The following TIAM1 variants were observed in gnomAD, a reference collection of about 807,000 sequenced individuals.
The protein encoded by TIAM1 is TIAM Rac1 associated GEF 1.
In TIAM1, 65 loss-of-function variants were observed where a neutral mutation model predicts 163.5. The ratio of observed to expected loss-of-function variants is 0.40; its 90% CI spans 0.33 to 0.49. The LOEUF is 0.49. Ranked by LOEUF, TIAM1 falls within the 20% of genes least tolerant of loss-of-function variation. The pLI is 0.77. For missense variants in TIAM1, 1,789 were observed against 2,044.7 expected (o/e 0.87, Z 2.41); for synonymous variants, 833 against 810.1 (o/e 1.03, Z -0.48).
At chr21:31,357,783 T>C (rs2076340806) in intron 2 of TIAM1, among the ~76,000 whole-genome samples, 1 of 152,206 alleles carries the variant, frequency 6.6e-6, no homozygotes. Flanking sequence ...CCAATGTTTC[T>C]CTCTTGTCTT....
At chr21:31,193,723 C>G (rs1252771218) in intron 13 of TIAM1, among the ~76,000 whole-genome samples, 1 of 152,038 alleles carries the variant, frequency 6.6e-6, no homozygotes, top group African/African-American at 2.4e-5. Flanking sequence ...TTTTTTGTAA[C>G]AAAAAGCAGC....
At chr21:31,130,377 G>A in intron 24 of TIAM1, 62 bp from the exon 25 acceptor site, 4 of 1,359,940 alleles carry the variant, frequency 2.9e-6, no homozygotes, top group East Asian at 2.3e-5. Flanking sequence ...CCAGTTCCCT[G>A]CATTTTCTAA....
In TIAM1 at chr21:31,548,266, T is replaced by C. The variant is rs575468960; in HGVS notation, c.-422+10661A>G. Among the ~76,000 whole-genome samples, 41 of 148,738 alleles carry C rather than the reference T, an allele frequency of 2.8e-4. 1 individual carries two copies. The East Asian group carries it at 7.8e-3, about 28-fold the overall frequency. On this transcript the variant is annotated intron_variant, in intron 1 of 28. Transcript: ENST00000286827. ...GCAATTCTCATGTGCCTCAGTCTCCTCAGTAGCTGAGATTACAGGTGTGTG... is the reference window on the plus strand; with the variant it reads ...GCAATTCTCATGTGCCTCAGTCTCCCCAGTAGCTGAGATTACAGGTGTGTG...
At chr21:31,360,360 G>A (rs906887768) in intron 2 of TIAM1, among the ~76,000 whole-genome samples, 3 of 151,780 alleles carry the variant, frequency 2.0e-5, no homozygotes, top group African/African-American at 7.3e-5. Context: ...TAATCCAGTA[G>A]AGAATAAAAG....
At chr21:31,144,830 G>GAAAAAAAAAAAAAAAAAAAAAAAAA (rs764835303) in intron 20 of TIAM1, among the ~76,000 whole-genome samples, 1 of 74,484 alleles carries the variant, frequency 1.3e-5, no homozygotes, top group Non-Finnish European at 2.4e-5. Context: ...CTCCATCTCA[G>GAAAAAAAAAAAAAAAAAAAAAAAAA]AAAAAAAAAA....
At chr21:31,324,472 A>C (rs2075420467) in intron 2 of TIAM1, among the ~76,000 whole-genome samples, 1 of 152,236 alleles carries the variant, frequency 6.6e-6, no homozygotes, top group African/African-American at 2.4e-5. Context: ...GACGCTGAAG[A>C]AGTTTCTTAA....
chr21:31,139,577 C>CT (rs1275602924), intron 22 of TIAM1, among the ~76,000 whole-genome samples: 1 of 151,988 alleles, frequency 6.6e-6, no homozygotes, highest in African/African-American at 2.4e-5. Context: ...TTCTTCTTGC[C>CT]TTTTTCTGTA....
intron 2 of TIAM1, among the ~76,000 whole-genome samples, chr21:31,323,549 G>A (rs1310970622): frequency 6.6e-6 from 1 of 152,074 alleles, no homozygotes; most frequent in Non-Finnish European, 1.5e-5. Context: ...TTAAAAATTA[G>A]GCTGGGTGTG....
At chr21:31,407,585 A>G (rs1293481945) in intron 2 of TIAM1, among the ~76,000 whole-genome samples, 6 of 151,678 alleles carry the variant, frequency 4.0e-5, no homozygotes, top group African/African-American at 1.5e-4. Flanking sequence ...TTCTAAGGTT[A>G]AGGATTTCAA....
intron 1 of TIAM1, among the ~76,000 whole-genome samples, chr21:31,540,238 A>T (rs1365810701): frequency 6.6e-6 from 1 of 151,462 alleles, no homozygotes; most frequent in East Asian, 2.0e-4. Context: ...ATACAAAATT[A>T]GCTGGGTGTC....
chr21:31,127,412 C>CTTTTTTTTTTTTTTTTTTTTTTTTTTTT (rs199978005), intron 25 of TIAM1, among the ~76,000 whole-genome samples: 1 of 140,734 alleles, frequency 7.1e-6, no homozygotes. Flanking sequence ...ATGGACCGAA[C>CTTTTTTTTTTTTTTTTTTTTTTTTTTTT]TTTTTTTTTT....
intron 6 of TIAM1, among the ~76,000 whole-genome samples, chr21:31,238,722 A>C (rs1663145114): frequency 6.6e-6 from 1 of 152,208 alleles, no homozygotes; most frequent in Non-Finnish European, 1.5e-5. Flanking sequence ...AATGAGAAAA[A>C]GCTAGTCACT....
At chr21:31,455,452 G>A (rs926361194) in intron 2 of TIAM1, among the ~76,000 whole-genome samples, 33 of 149,130 alleles carry the variant, frequency 2.2e-4, no homozygotes, top group African/African-American at 7.4e-4. Context: ...CACTCTTGTC[G>A]CCCACACTGG....
chr21:31,369,435 G>C (rs200263791), intron 2 of TIAM1, among the ~76,000 whole-genome samples: 2 of 110,972 alleles, frequency 1.8e-5, no homozygotes, highest in Non-Finnish European at 3.4e-5. Flanking sequence ...GATAAGGAAA[G>C]GTTGCTTAAC....
Position 31,266,936 on chromosome 21 carries a change from A to G in TIAM1, c.37T>C (p.Phe13Leu), listed in dbSNP as rs760133502. 1 of 1,609,028 alleles carries G rather than the reference A, an allele frequency of 6.2e-7. No individual in the cohort carries two copies. The highest frequency in any genetic ancestry group is 1.3e-5 in the African/African-American group (1 of 74,738). ...NAESQHVEHE[F>L]YGEKHASLGR... ...AGGCTGGCATGCTTTTCTCCATAAAACTCGTGCTCTACATGTTGACTTTCT... is the reference window on the plus strand; with the variant it reads ...AGGCTGGCATGCTTTTCTCCATAAAGCTCGTGCTCTACATGTTGACTTTCT... Residue 13 changes from phenylalanine to leucine, a missense_variant, in exon 4 of 28, where the codon TTT becomes CTT. Physicochemically the swap from Phe to Leu is conservative, Grantham distance 22 (BLOSUM62 0). Around this residue, in one of 5 missense-constraint regions of TIAM1, gnomAD observed 555 missense variants for 564.9 expected, o/e 0.98. Transcript: ENST00000541036.
intron 1 of TIAM1, among the ~76,000 whole-genome samples, chr21:31,486,099 G>C (rs1168023533): frequency 6.6e-6 from 1 of 152,166 alleles, no homozygotes; most frequent in Non-Finnish European, 1.5e-5. Flanking sequence ...TCCACCTGAG[G>C]ATTCACCATT....
intron 1 of TIAM1, among the ~76,000 whole-genome samples, chr21:31,483,095 G>A (rs548212213): frequency 1.4e-3 from 218 of 152,240 alleles, no homozygotes; most frequent in Non-Finnish European, 2.6e-3. Context: ...ACACCATGGC[G>A]GGCTGTCTCT....
intron 2 of TIAM1, among the ~76,000 whole-genome samples, chr21:31,336,653 C>T (rs918427438): frequency 6.6e-6 from 1 of 152,102 alleles, no homozygotes; most frequent in African/African-American, 2.4e-5. Context: ...GGCACAGTCA[C>T]AGGTCTCAGG....
chr21:31,294,576 T>G (rs116506104), intron 2 of TIAM1, among the ~76,000 whole-genome samples: 344 of 152,348 alleles, frequency 2.3e-3, no homozygotes, highest in African/African-American at 8.0e-3. Flanking sequence ...CAGTAAAATT[T>G]AGCACCTAGT....
Sources: allele counts gnomAD v4.1 joint callset (sites outside exome capture counted in the v4.1 genomes callset), GRCh38; gene constraint gnomAD v4.1.1; regional missense constraint gnomAD v4.1.1; transcripts MANE v1.5; gene names NCBI Gene and HGNC (gene_info 2026-07-23, HGNC 2026-07-21).